The following NSMCE2 variants were observed in gnomAD, a reference collection of about 807,000 sequenced individuals.
The protein encoded by NSMCE2 is E3 SUMO-protein ligase NSE2.
In NSMCE2, 24 loss-of-function variants were observed where a neutral mutation model predicts 23.8. That is an observed-to-expected ratio of 1.01 (90% CI 0.73 to 1.42). The LOEUF (loss-of-function observed/expected upper bound fraction) is 1.42. Ranked by LOEUF, NSMCE2 falls within the 40% of genes most tolerant of loss-of-function variation. The probability of loss-of-function intolerance (pLI) is 0.00; values close to 1 mark genes in which losing one functional copy is unlikely to be tolerated. For missense variants in NSMCE2, 284 were observed against 296.5 expected, an observed-to-expected ratio of 0.96 and a Z score of 0.31; for synonymous variants, 92 against 94.1, an observed-to-expected ratio of 0.98 and a Z score of 0.13.
chr8:125,247,875 G>A (rs1360781185), intron 5 of NSMCE2, among the ~76,000 whole-genome samples: 1 of 152,108 alleles, frequency 6.6e-6, no homozygotes, highest in Non-Finnish European at 1.5e-5. Context: ...TAGAGTAATA[G>A]AGTGCTAGTG....
intron 3 of NSMCE2, among the ~76,000 whole-genome samples, chr8:125,105,463 GTTT>G (rs368736347): frequency 6.7e-6 from 1 of 149,382 alleles, no homozygotes; most frequent in Non-Finnish European, 1.5e-5. Context: ...TAGCTACAGA[GTTT>G]TTTTTTTCTC....
intron 3 of NSMCE2, chr8:125,130,270 C>T: frequency 2.2e-6 from 1 of 456,040 alleles, no homozygotes; most frequent in South Asian, 1.5e-5. Context: ...CATATCAAAG[C>T]TAGTGCAAGT....
At chr8:125,353,703 C>T (rs1035052760) in intron 5 of NSMCE2, among the ~76,000 whole-genome samples, 6 of 151,544 alleles carry the variant, frequency 4.0e-5, no homozygotes, top group East Asian at 4.0e-4. Context: ...GCCAACATGG[C>T]GAAACCACGT....
In NSMCE2 at chr8:125,181,519, A is replaced by G. The variant is rs1822806956; in HGVS notation, c.265-584A>G. On this transcript the variant is annotated intron_variant, in intron 4 of 7. Transcript: ENST00000287437. ...CCTTTCTGCATATTTGAAAATTTAT[A>G]ATATTGGGAAATAATTTTATAATAT... Among the ~76,000 whole-genome samples the G allele has an allele frequency of 2.6e-5, 4 of 152,278 alleles. No homozygotes were observed. In the South Asian group the frequency reaches 6.2e-4, roughly 24 times the overall value.
rs563967898 is a variant in NSMCE2, at chr8:125,272,014, C to CTTTTT, written c.419-85192_419-85188dup. Among the ~76,000 whole-genome samples the CTTTTT allele has an allele frequency of 3.0e-4, 39 of 130,128 alleles. 2 individuals are homozygous for CTTTTT. Among genetic ancestry groups the CTTTTT allele is most frequent in the Admixed American group, 3.3e-4 (4 of 12,276 alleles). The allele number at this position is 130,128 out of a possible 152,430, so 85.4% of individuals were successfully genotyped here. A position where few individuals can be genotyped will look rare whatever the true frequency, so the allele number is the denominator to read the frequency against. ...TGAATATTGAATCTGCAGTTTCTTT[C>CTTTTT]TTTTTTTTTTTTTTTTTGAGACGGA... On this transcript the variant is annotated intron_variant, in intron 5 of 7. Coordinates refer to ENST00000287437, the MANE Select transcript of NSMCE2 (RefSeq NM_173685.4).
At chr8:125,289,002 G>C (rs1828004343) in intron 5 of NSMCE2, among the ~76,000 whole-genome samples, 1 of 151,966 alleles carries the variant, frequency 6.6e-6, no homozygotes, top group South Asian at 2.1e-4. Context: ...GTGTTGACCA[G>C]GCTGGTCTCA....
chr8:125,146,607 G>A (rs953264792), intron 3 of NSMCE2, among the ~76,000 whole-genome samples: 2 of 152,146 alleles, frequency 1.3e-5, no homozygotes, highest in African/African-American at 4.8e-5. Flanking sequence ...GGACATGGAT[G>A]AAGCTGGAAA....
At chr8:125,112,933 T>C (rs909129317) in intron 3 of NSMCE2, among the ~76,000 whole-genome samples, 10 of 152,110 alleles carry the variant, frequency 6.6e-5, no homozygotes, top group African/African-American at 4.8e-5. Context: ...TGAGGTATTG[T>C]TAACTAGCTT....
At chr8:125,132,002 C>T (rs926324804) in intron 3 of NSMCE2, among the ~76,000 whole-genome samples, 12 of 152,204 alleles carry the variant, frequency 7.9e-5, no homozygotes, top group African/African-American at 2.9e-4. Context: ...TCATGTCATG[C>T]ATCCTTAGAG....
intron 5 of NSMCE2, among the ~76,000 whole-genome samples, chr8:125,239,918 G>A (rs1375364608): frequency 5.9e-5 from 9 of 152,104 alleles, no homozygotes; most frequent in Non-Finnish European, 1.3e-4. Flanking sequence ...CACCTGAGAA[G>A]TAAGTAAGTG....
chr8:125,225,680 T>A (rs1322446042), intron 5 of NSMCE2, among the ~76,000 whole-genome samples: 2 of 152,230 alleles, frequency 1.3e-5, no homozygotes, highest in Non-Finnish European at 2.9e-5. Context: ...GCCTTTTTAT[T>A]TCTTGATATA....
rs953041114 is a variant in NSMCE2, at chr8:125,102,116, A to G, written c.-45A>G. 2 of 490,392 alleles carry G rather than the reference A, an allele frequency of 4.1e-6. No individual in the cohort carries two copies. Among genetic ancestry groups the G allele is most frequent in the Admixed American group, 3.3e-5 (1 of 30,242 alleles). 30.4% of individuals were successfully genotyped at this position (490,392 alleles called of 1,614,324 possible). A position where few individuals can be genotyped will look rare whatever the true frequency, so the allele number is the denominator to read the frequency against. The stretch of plus-strand genomic sequence containing the variant: ...AACTGAGGACACTTACCTTCCCCAT[A>G]TATTGAGTCCAGCTGTGTTTGGTGG... On this transcript the variant is annotated 5_prime_UTR_variant, in exon 2 of 8. It adds an upstream start codon to the 5' untranslated region. Coordinates refer to ENST00000287437, the MANE Select transcript of NSMCE2 (RefSeq NM_173685.4).
intron 5 of NSMCE2, among the ~76,000 whole-genome samples, chr8:125,209,012 G>T (rs1824225306): frequency 6.6e-6 from 1 of 152,060 alleles, no homozygotes; most frequent in Admixed American, 6.6e-5. Context: ...GGGTCTTGCT[G>T]TGTTGCCCAG....
chr8:125,236,608 AG>A (rs1353925168), intron 5 of NSMCE2, among the ~76,000 whole-genome samples: 13 of 152,300 alleles, frequency 8.5e-5, no homozygotes, highest in African/African-American at 2.6e-4. Context: ...TCTGAGAGAC[AG>A]GAAGGGCATG....
At chr8:125,196,391 C>G (rs548935938) in intron 5 of NSMCE2, among the ~76,000 whole-genome samples, 1 of 152,156 alleles carries the variant, frequency 6.6e-6, no homozygotes, top group Admixed American at 6.5e-5. Context: ...GTGTGATGTT[C>G]CCCGCCCTGT....
At chr8:125,252,465 G>A (rs1029873517) in intron 5 of NSMCE2, among the ~76,000 whole-genome samples, 3 of 152,178 alleles carry the variant, frequency 2.0e-5, no homozygotes, top group Non-Finnish European at 2.9e-5. Flanking sequence ...GGCGGAGCTC[G>A]CAGTGAGCTG....
chr8:125,140,283 G>A (rs757953942), intron 3 of NSMCE2, among the ~76,000 whole-genome samples: 7 of 152,222 alleles, frequency 4.6e-5, no homozygotes, highest in Non-Finnish European at 8.8e-5. Context: ...AGTTAATACA[G>A]CAAAATACCC....
chr8:125,150,810 G>A (rs375623007), intron 3 of NSMCE2, among the ~76,000 whole-genome samples: 4 of 152,264 alleles, frequency 2.6e-5, no homozygotes, highest in African/African-American at 9.6e-5. Context: ...ATAAGACAGA[G>A]CTGCTTAATG....
chr8:125,175,509 TG>T (rs1822442564), intron 4 of NSMCE2, among the ~76,000 whole-genome samples: 1 of 152,224 alleles, frequency 6.6e-6, no homozygotes, highest in African/African-American at 2.4e-5. Flanking sequence ...TGTAAATCAC[TG>T]GGTATGTGTT....
Sources: gnomAD v4.1 joint callset for allele counts (sites outside exome capture counted in the v4.1 genomes callset) on GRCh38, gnomAD v4.1.1 for gene constraint, MANE v1.5 for transcripts, NCBI Gene and HGNC (gene_info 2026-07-23, HGNC 2026-07-21) for gene names.